NTM: variants seen among roughly 807,000 people sequenced by gnomAD.
The protein encoded by NTM is IgLON family member 2.
NTM carries 13 observed loss-of-function variants against 42.1 expected under a neutral mutation model. The ratio of observed to expected loss-of-function variants is 0.31; its 90% confidence interval spans 0.20 to 0.49. NTM has a LOEUF of 0.49. Ranked by LOEUF, NTM falls within the 20% of genes least tolerant of loss-of-function variation. The probability of loss-of-function intolerance (pLI) is 0.99; values close to 1 mark genes in which losing one functional copy is unlikely to be tolerated. For missense variants in NTM, 373 were observed against 452.8 expected (o/e 0.82, Z 1.60); for synonymous variants, 187 against 179.2 (o/e 1.04, Z -0.35).
chr11:132,152,847 A>T (rs1217653224), intron 3 of NTM, among the ~76,000 whole-genome samples: 1 of 152,246 alleles, frequency 6.6e-6, no homozygotes, highest in Admixed American at 6.5e-5. Context: ...GAAAAGTTAT[A>T]TTCATTGAAT....
At chr11:131,430,578 G>C (rs776113422) in intron 1 of NTM, among the ~76,000 whole-genome samples, 5 of 152,230 alleles carry the variant, frequency 3.3e-5, no homozygotes, top group Non-Finnish European at 5.9e-5. Flanking sequence ...CTTGAGTGAT[G>C]AGAGAGTGAC....
chr11:131,764,241 A>G (rs974801755), intron 1 of NTM, among the ~76,000 whole-genome samples: 2 of 152,140 alleles, frequency 1.3e-5, no homozygotes, highest in African/African-American at 4.8e-5. Context: ...AACATTTGGT[A>G]CTCAGCAGTG....
intron 3 of NTM, among the ~76,000 whole-genome samples, chr11:132,160,563 T>C (rs886108818): frequency 6.6e-5 from 10 of 152,190 alleles, no homozygotes; most frequent in Non-Finnish European, 1.0e-4. Flanking sequence ...ACACTCACGG[T>C]AGAGCACGAA....
intron 1 of NTM, among the ~76,000 whole-genome samples, chr11:131,598,677 C>CG (rs2060028104): frequency 7.3e-6 from 1 of 137,414 alleles, no homozygotes; most frequent in Non-Finnish European, 1.6e-5. Flanking sequence ...ACTCTCTTCT[C>CG]ATTTGTTTTC....
intron 2 of NTM, among the ~76,000 whole-genome samples, chr11:132,066,453 G>A (rs1323969303): frequency 6.6e-6 from 1 of 152,174 alleles, no homozygotes; most frequent in Non-Finnish European, 1.5e-5. Flanking sequence ...TAGGATCTGT[G>A]TTAGTTTCCC....
intron 4 of NTM, among the ~76,000 whole-genome samples, chr11:132,304,489 C>A (rs551752053): frequency 6.6e-6 from 1 of 152,196 alleles, no homozygotes; most frequent in East Asian, 1.9e-4. Context: ...ATAGCCACAG[C>A]ACAAATGCTT....
chr11:132,330,653 T>G (rs1490318135), intron 8 of NTM, among the ~76,000 whole-genome samples: 1 of 152,164 alleles, frequency 6.6e-6, no homozygotes, highest in Non-Finnish European at 1.5e-5. Context: ...GTGAGTCACT[T>G]GGCTACGAAT....
At chr11:132,154,088 A>G (rs1234552756) in intron 3 of NTM, among the ~76,000 whole-genome samples, 1 of 152,164 alleles carries the variant, frequency 6.6e-6, no homozygotes, top group Non-Finnish European at 1.5e-5. Context: ...GGACGCTAAT[A>G]TGGTCACAGG....
chr11:132,113,228 C>A (rs1203758791), intron 2 of NTM, among the ~76,000 whole-genome samples: 1 of 152,224 alleles, frequency 6.6e-6, no homozygotes, highest in Non-Finnish European at 1.5e-5. Context: ...CTCAGCGAGG[C>A]ACTTCTCCTG....
intron 1 of NTM, among the ~76,000 whole-genome samples, chr11:131,819,904 C>T (rs1249332710): frequency 1.3e-5 from 2 of 152,172 alleles, no homozygotes; most frequent in Non-Finnish European, 2.9e-5. Context: ...TGGGCCGCTA[C>T]TCCGTCTCTG....
rs113200404 is a variant in NTM at position 131,547,793 on chromosome 11, C to T, written c.82+176905C>T. The stretch of plus-strand genomic sequence containing the variant: ...AGTCCCCTCCTAGTCCCCGCAACTC[C>T]AACAGACTTGGATCCTGCACATCAA... On this transcript the variant is annotated intron_variant, in intron 1 of 8. Coordinates refer to ENST00000683400, the MANE Select transcript of NTM (RefSeq NM_001352005.2). 2.9e-3 allele frequency among the ~76,000 whole-genome samples: 446 copies of T among 152,268 alleles called. 4 individuals are homozygous for T. Among genetic ancestry groups the T allele is most frequent in the African/African-American group, 9.6e-3 (400 of 41,548 alleles).
intron 1 of NTM, among the ~76,000 whole-genome samples, chr11:131,421,288 G>A (rs527676977): frequency 4.5e-4 from 68 of 152,270 alleles, no homozygotes; most frequent in African/African-American, 1.6e-3. Flanking sequence ...TTTTTTCTGT[G>A]AAGCGACAGG....
At chr11:132,141,554 G>T (rs1026078784) in intron 2 of NTM, among the ~76,000 whole-genome samples, 1 of 152,078 alleles carries the variant, frequency 6.6e-6, no homozygotes, top group African/African-American at 2.4e-5. Flanking sequence ...TACCATACTC[G>T]AGCTCCCATG....
At chr11:132,315,058 G>A in intron 7 of NTM, 1 of 1,051,184 alleles carries the variant, frequency 9.5e-7, no homozygotes, top group East Asian at 6.9e-5. Flanking sequence ...AAAATACTTT[G>A]GAATGCCAAA....
intron 2 of NTM, among the ~76,000 whole-genome samples, chr11:131,916,554 T>C (rs1004422746): frequency 6.6e-6 from 1 of 152,186 alleles, no homozygotes; most frequent in Non-Finnish European, 1.5e-5. Context: ...TCACACAGAC[T>C]AAATGTGGTT....
chr11:131,776,471 G>A (rs1339228798), intron 1 of NTM, among the ~76,000 whole-genome samples: 1 of 152,192 alleles, frequency 6.6e-6, no homozygotes, highest in Non-Finnish European at 1.5e-5. Context: ...TAACAAGGGT[G>A]ACAGTTTTAC....
At chr11:131,513,705 T>C (rs1384002423) in intron 1 of NTM, among the ~76,000 whole-genome samples, 1 of 152,212 alleles carries the variant, frequency 6.6e-6, no homozygotes, top group African/African-American at 2.4e-5. Flanking sequence ...ATATTGATTA[T>C]ACAGGGGCCT....
At chr11:131,438,381 A>C (rs1441286024) in intron 1 of NTM, among the ~76,000 whole-genome samples, 2 of 152,160 alleles carry the variant, frequency 1.3e-5, no homozygotes, top group Non-Finnish European at 2.9e-5. Context: ...AGTGTTTTCC[A>C]ACTTGGTTCC....
At chr11:131,749,142 G>A (rs747002112) in intron 1 of NTM, among the ~76,000 whole-genome samples, 58 of 152,278 alleles carry the variant, frequency 3.8e-4, no homozygotes, top group Non-Finnish European at 5.1e-4. Context: ...CTTTACTTCC[G>A]GATGAAGTTG....
Sources: allele counts gnomAD v4.1 joint callset (sites outside exome capture counted in the v4.1 genomes callset), GRCh38; gene constraint gnomAD v4.1.1; transcripts MANE v1.5; gene names NCBI Gene and HGNC (gene_info 2026-07-23, HGNC 2026-07-21).